The following EFCAB5 variants were observed in gnomAD, a reference collection of about 807,000 sequenced individuals.
EFCAB5 encodes EF-hand calcium binding domain 5.
A neutral mutation model predicts 167.9 loss-of-function variants in EFCAB5; 131 were observed. That is an observed-to-expected ratio of 0.78 (90% confidence interval 0.68 to 0.90). The LOEUF is 0.90. Ranked by LOEUF, EFCAB5 falls within the 40% of genes least tolerant of loss-of-function variation. EFCAB5 has a pLI of 0.00. For missense variants in EFCAB5, 1,663 were observed against 1,745.2 expected (o/e 0.95, Z 0.84); for synonymous variants, 574 against 602.8 (o/e 0.95, Z 0.70).
At chr17:30,033,565 A>G (rs964622433) in intron 7 of EFCAB5, among the ~76,000 whole-genome samples, 9 of 152,202 alleles carry the variant, frequency 5.9e-5, no homozygotes, top group African/African-American at 2.2e-4. Context: ...ATAATCACTC[A>G]TGCATTAGTC....
At chr17:29,959,658 G>C (rs1184587395) in intron 3 of EFCAB5, among the ~76,000 whole-genome samples, 2 of 152,094 alleles carry the variant, frequency 1.3e-5, no homozygotes, top group Non-Finnish European at 2.9e-5. Flanking sequence ...GGGACTCCAG[G>C]ACTCTGCTTG....
chr17:29,951,073 A>G (rs953935655), intron 3 of EFCAB5, among the ~76,000 whole-genome samples: 1 of 152,182 alleles, frequency 6.6e-6, no homozygotes, highest in Non-Finnish European at 1.5e-5. Flanking sequence ...TGCAAATCCA[A>G]CTTAGAGTTG....
intron 7 of EFCAB5, among the ~76,000 whole-genome samples, chr17:30,032,305 A>G (rs893271761): frequency 3.9e-5 from 6 of 152,124 alleles, no homozygotes; most frequent in Non-Finnish European, 5.9e-5. Flanking sequence ...TCTCTCCATA[A>G]CAGACTTTCC....
At chr17:29,971,960 CT>C (rs1224836843) in intron 4 of EFCAB5, among the ~76,000 whole-genome samples, 1 of 151,900 alleles carries the variant, frequency 6.6e-6, no homozygotes, top group Admixed American at 6.6e-5. Context: ...CAGTTATAGT[CT>C]TTTTTTCTGT....
chr17:29,931,571 TAAAC>T (rs1443402154), intron 1 of EFCAB5, among the ~76,000 whole-genome samples: 2 of 152,166 alleles, frequency 1.3e-5, no homozygotes, highest in African/African-American at 4.8e-5. Context: ...GAGACAAAAT[TAAAC>T]AAAGATGTAT....
At chr17:30,107,371 AAC>A (rs138099271) in intron 22 of EFCAB5, among the ~76,000 whole-genome samples, 3,541 of 152,256 alleles carry the variant, frequency 0.023, 69 homozygotes, top group South Asian at 0.048. Context: ...ACATTATAGG[AAC>A]AGTTGAGGAT....
At position 30,051,199 on chromosome 17, in the gene EFCAB5, C is replaced by T; in HGVS notation, c.1282C>T (p.Leu428Phe). ...DHSSQMLRSL[L>F]RNPRQWPFIE... ...TAGTTCACAAATGCTTAGGAGTTTA[C>T]TTCGAAACCCACGACAATGTAAGTG... is the stretch of plus-strand genomic sequence containing the variant. Residue 428 changes from leucine to phenylalanine, a missense_variant, in exon 9 of 23, where the codon CTT becomes TTT. Leu to Phe is a conservative substitution (Grantham distance 22). Transcript: ENST00000394835. 2 of 1,613,980 alleles carry T rather than the reference C, an allele frequency of 1.2e-6. No individual in the cohort carries two copies. Among genetic ancestry groups the T allele is most frequent in the African/African-American group, 1.3e-5 (1 of 75,040 alleles).
chr17:30,046,764 A>T (rs1228932138), intron 8 of EFCAB5, among the ~76,000 whole-genome samples: 1 of 152,090 alleles, frequency 6.6e-6, no homozygotes, highest in Non-Finnish European at 1.5e-5. Flanking sequence ...TTCCTTAGAG[A>T]TCCTTTAATA....
At position 30,003,079 on chromosome 17, in the gene EFCAB5, T is replaced by C. The variant is rs189085241; in HGVS notation, c.1044+3103T>C. Among the ~76,000 whole-genome samples the C allele has an allele frequency of 2.1e-3, 300 of 142,192 alleles. 2 individuals carry two copies. Among genetic ancestry groups the C allele is most frequent in the Non-Finnish European group, 9.8e-4 (63 of 64,450 alleles). The allele number at this position is 142,192 out of a possible 152,430, so 93.3% of individuals were successfully genotyped here. A position where few individuals can be genotyped will look rare whatever the true frequency, so the allele number is the denominator to read the frequency against. On this transcript the variant is annotated intron_variant, in intron 7 of 22. Coordinates refer to ENST00000394835, the MANE Select transcript of EFCAB5 (RefSeq NM_198529.4). ...ACTCTGAGATTCTGTTATTTCTTTT[T>C]TCCTCTTTTTTTTTTGTAGCGGGGG... is the stretch of plus-strand genomic sequence containing the variant.
In EFCAB5 at chr17:30,053,338, G is replaced by T. The variant is rs1249187243; in HGVS notation, c.1384G>T (p.Asp462Tyr). Residue 462 changes from aspartate to tyrosine, a missense_variant, in exon 10 of 23, where the codon GAC becomes TAC. Asp to Tyr is a radical substitution (Grantham distance 160). Transcript: ENST00000394835. The stretch of plus-strand genomic sequence containing the variant: ...TCAGAAACACATTTATGAAGGTTTT[G>T]ACAAAGTGCTCTTGGAGATGAATAC... ...DNQKHIYEGFDKVLLEMNTLL... is the reference protein window; with the variant it reads ...DNQKHIYEGFYKVLLEMNTLL... 3 of 1,613,968 alleles carry T rather than the reference G, an allele frequency of 1.9e-6. No homozygotes were observed. The highest frequency in any genetic ancestry group is 2.2e-5 in the East Asian group (1 of 44,882).
intron 12 of EFCAB5, 110 bp from the exon 13 acceptor site, chr17:30,057,566 A>T: frequency 1.1e-6 from 1 of 880,878 alleles, no homozygotes; most frequent in Non-Finnish European, 1.8e-6. Context: ...GGAAGCATGG[A>T]TTCCTGACAG....
At chr17:29,978,296 G>A (rs925749607) in intron 4 of EFCAB5, among the ~76,000 whole-genome samples, 8 of 152,176 alleles carry the variant, frequency 5.3e-5, no homozygotes, top group Admixed American at 6.5e-5. Context: ...GTGAGTGAAT[G>A]GACAAGGAAA....
chr17:29,968,403 G>A (rs1436662128), intron 3 of EFCAB5: 2 of 437,698 alleles, frequency 4.6e-6, no homozygotes, highest in Admixed American at 5.3e-5. Flanking sequence ...GGGAGTCTGG[G>A]ATCTTCTCCT....
At position 29,968,979 on chromosome 17, in the gene EFCAB5, C is replaced by A; in HGVS notation, c.379C>A (p.Gln127Lys). The change falls in exon 4 of 23, where the codon CAA becomes AAA. Residue 127 changes from glutamine to lysine, a missense_variant. Physicochemically the swap from Gln to Lys is moderately conservative, Grantham distance 53 (BLOSUM62 1). Coordinates refer to ENST00000394835, the MANE Select transcript of EFCAB5 (RefSeq NM_198529.4). ...TTTTGAAAGAATGGAGGCAAGAGCC[C>A]AAGCAATGCAGCAGAAAATAATAGA... is the stretch of plus-strand genomic sequence containing the variant. ...NLFERMEARA[Q>K]AMQQKIIDKE... 1 of 1,588,530 alleles carries A rather than the reference C, an allele frequency of 6.3e-7. No individual in the cohort carries two copies.
intron 8 of EFCAB5, among the ~76,000 whole-genome samples, chr17:30,042,348 A>G (rs1440536812): frequency 3.9e-5 from 6 of 152,108 alleles, no homozygotes; most frequent in Non-Finnish European, 5.9e-5. Flanking sequence ...ACCAAAGCGA[A>G]TTTGTGTGAC....
intron 8 of EFCAB5, among the ~76,000 whole-genome samples, chr17:30,045,645 A>G (rs1417595937): frequency 6.6e-6 from 1 of 151,848 alleles, no homozygotes; most frequent in Non-Finnish European, 1.5e-5. Flanking sequence ...ACAAGAATGG[A>G]CTGGGCACAG....
intron 7 of EFCAB5, among the ~76,000 whole-genome samples, chr17:30,018,436 T>C (rs1395514564): frequency 6.6e-6 from 1 of 152,142 alleles, no homozygotes; most frequent in East Asian, 1.9e-4. Flanking sequence ...ATGTATTGAA[T>C]ATGGTGTGAT....
chr17:29,942,666 T>A (rs182127126), intron 2 of EFCAB5, among the ~76,000 whole-genome samples: 1 of 152,146 alleles, frequency 6.6e-6, no homozygotes, highest in Non-Finnish European at 1.5e-5. Flanking sequence ...AAGGCTACAA[T>A]AAAGAAGAAC....
chr17:30,084,580 G>A (rs1247948089), intron 18 of EFCAB5, among the ~76,000 whole-genome samples: 3 of 152,116 alleles, frequency 2.0e-5, no homozygotes. Flanking sequence ...CCCAGCAGTC[G>A]GGTTGTGAGT....
Sources: gnomAD v4.1 joint callset for allele counts (sites outside exome capture counted in the v4.1 genomes callset) on GRCh38, gnomAD v4.1.1 for gene constraint, MANE v1.5 for transcripts, NCBI Gene and HGNC (gene_info 2026-07-23, HGNC 2026-07-21) for gene names.